Variants in BABAM2 observed in about 807,000 individuals in gnomAD.
BABAM2 encodes BRISC and BRCA1-A complex member 2.
A neutral mutation model predicts 54.7 loss-of-function variants in BABAM2; 31 were observed. That is an observed-to-expected ratio of 0.57 (90% CI 0.43 to 0.77). The LOEUF (loss-of-function observed/expected upper bound fraction) is 0.77, where lower values mean the gene tolerates loss of function less well. Ranked by LOEUF, BABAM2 falls within the 30% of genes least tolerant of loss-of-function variation. BABAM2 has a pLI of 0.00. For synonymous variants in BABAM2, 167 were observed against 162.9 expected, an observed-to-expected ratio of 1.03 and a Z score of -0.19; for missense variants, 364 against 455.8, an observed-to-expected ratio of 0.80 and a Z score of 1.83.
rs755229782 is a variant in BABAM2 at position 28,325,972 on chromosome 2, T to C, written c.1089-12478T>C. 3.9e-5 allele frequency among the ~76,000 whole-genome samples: 6 copies of C among 152,146 alleles called. No homozygotes were observed. The highest frequency in any genetic ancestry group is 5.9e-5 in the Non-Finnish European group (4 of 68,020). On this transcript the variant is annotated intron_variant, in intron 11 of 11. Coordinates refer to ENST00000379624, the MANE Select transcript of BABAM2 (RefSeq NM_199191.3). The surrounding 1 kb of genome is among the most constrained non-coding windows in gnomAD (Gnocchi z 4.3). The stretch of plus-strand genomic sequence containing the variant: ...TCCTAAGTGTTCCTGAGGCCCTCCT[T>C]TGGGAGTCCTGCACTTTGCTGTGGA...
chr2:28,216,258 G>C (rs1679907387), intron 7 of BABAM2, among the ~76,000 whole-genome samples: 1 of 152,094 alleles, frequency 6.6e-6, no homozygotes, highest in South Asian at 2.1e-4. Context: ...TTTTTAAGAA[G>C]TTTTCATGTG....
chr2:28,272,983 G>A (rs1369531893), intron 10 of BABAM2, among the ~76,000 whole-genome samples: 1 of 152,178 alleles, frequency 6.6e-6, no homozygotes, highest in Non-Finnish European at 1.5e-5. Flanking sequence ...TGGCCACACT[G>A]CTTGCAGCCA....
intron 2 of BABAM2, among the ~76,000 whole-genome samples, chr2:27,927,261 T>C (rs540210512): frequency 1.3e-5 from 2 of 152,164 alleles, no homozygotes; most frequent in African/African-American, 2.4e-5. Context: ...AATTTGTCAT[T>C]GAAGAAGGAG....
intron 3 of BABAM2, among the ~76,000 whole-genome samples, chr2:27,945,217 C>T (rs146618895): frequency 7.6e-4 from 115 of 151,966 alleles, no homozygotes; most frequent in African/African-American, 2.6e-3. Context: ...TTTGTAGAGA[C>T]GGGGTTTCAC....
intron 6 of BABAM2, among the ~76,000 whole-genome samples, chr2:28,062,575 C>CA (rs200543877): frequency 0.016 from 2,121 of 134,940 alleles, 22 homozygotes; most frequent in Non-Finnish European, 0.018. Context: ...AAAAAAAAAC[C>CA]AAAAAAAAAA....
At chr2:28,020,355 T>G (rs1675158507) in intron 4 of BABAM2, among the ~76,000 whole-genome samples, 1 of 152,230 alleles carries the variant, frequency 6.6e-6, no homozygotes, top group Admixed American at 6.5e-5. Flanking sequence ...TATATTTCCA[T>G]TATGAAAGTA....
chr2:28,102,316 G>A (rs925888266), intron 6 of BABAM2, among the ~76,000 whole-genome samples: 3 of 152,194 alleles, frequency 2.0e-5, no homozygotes, highest in Middle Eastern at 6.3e-3. Context: ...TGAATGATCT[G>A]ATAAAAATCC....
chr2:28,048,635 T>C (rs1478493238), intron 6 of BABAM2, among the ~76,000 whole-genome samples: 1 of 152,206 alleles, frequency 6.6e-6, no homozygotes, highest in Admixed American at 6.5e-5. Context: ...TACTTAGTAC[T>C]CTACAGATCA....
In BABAM2 at chr2:28,000,711, A is replaced by G. The variant is rs907537904; in HGVS notation, c.300+12624A>G. Among the ~76,000 whole-genome samples, 32 of 152,174 alleles carry G rather than the reference A, an allele frequency of 2.1e-4. 1 individual carries two copies. The highest frequency in any genetic ancestry group is 3.4e-3 in the Middle Eastern group (1 of 294). ...TTCTCTCCATTTATTAATTTATTCA[A>G]TCATTTATTTGTATCAGTATGGACT... On this transcript the variant is annotated intron_variant, in intron 4 of 11. Coordinates refer to ENST00000379624, the MANE Select transcript of BABAM2 (RefSeq NM_199191.3).
At chr2:28,093,835 A>G (rs1414945229) in intron 6 of BABAM2, among the ~76,000 whole-genome samples, 2 of 152,210 alleles carry the variant, frequency 1.3e-5, no homozygotes, top group Non-Finnish European at 2.9e-5. Flanking sequence ...AATTGTTATA[A>G]TAGTTAAGAC....
chr2:28,299,702 C>T (rs567682763), intron 11 of BABAM2, among the ~76,000 whole-genome samples: 29 of 152,238 alleles, frequency 1.9e-4, no homozygotes, highest in African/African-American at 6.0e-4. Flanking sequence ...GAAGATAAAG[C>T]CTTTATCATA....
At chr2:27,946,511 A>T (rs1322034155) in intron 3 of BABAM2, among the ~76,000 whole-genome samples, 1 of 152,176 alleles carries the variant, frequency 6.6e-6, no homozygotes, top group Non-Finnish European at 1.5e-5. Flanking sequence ...TTTATAAAAT[A>T]AGTTGGGAAG....
At position 28,282,997 on chromosome 2, in the gene BABAM2, CAAA is replaced by C. The variant is rs370484850; in HGVS notation, c.935-15322_935-15320del. On this transcript the variant is annotated intron_variant, in intron 10 of 11. Transcript: ENST00000379624. ...CAGGCAGCAGAGCGAGACTCCGTCC[CAAA>C]AAAAAAAAAAAAAAAAAAGGAATGA... 1.4e-4 allele frequency among the ~76,000 whole-genome samples: 10 copies of C among 71,934 alleles called. No individual in the cohort carries two copies. The Admixed American group carries it at 1.8e-3, about 13-fold the overall frequency. 47.2% of individuals were successfully genotyped at this position (71,934 alleles called of 152,430 possible). A position where few individuals can be genotyped will look rare whatever the true frequency, so the allele number is the denominator to read the frequency against.
intron 11 of BABAM2, among the ~76,000 whole-genome samples, chr2:28,300,944 A>G (rs1407852230): frequency 1.3e-5 from 2 of 152,236 alleles, no homozygotes; most frequent in African/African-American, 4.8e-5. Flanking sequence ...TTAAGTTTCC[A>G]TTCTTCAGCT....
chr2:28,066,702 AAGG>A (rs1473810916), intron 6 of BABAM2, among the ~76,000 whole-genome samples: 2 of 152,166 alleles, frequency 1.3e-5, no homozygotes, highest in Non-Finnish European at 2.9e-5. Context: ...GGCTTCTCCA[AAGG>A]CTGCTTGAGT....
chr2:28,026,843 A>T (rs7570518), intron 5 of BABAM2, among the ~76,000 whole-genome samples: 19 of 40,634 alleles, frequency 4.7e-4, no homozygotes, highest in South Asian at 1.4e-3. Context: ...AATATATATA[A>T]ATATATATTT....
intron 7 of BABAM2, among the ~76,000 whole-genome samples, chr2:28,152,205 A>G (rs1672120287): frequency 6.6e-6 from 1 of 152,166 alleles, no homozygotes; most frequent in Non-Finnish European, 1.5e-5. Context: ...TGCCTTAAAC[A>G]ATTGAGAATG....
At chr2:28,093,554 G>A (rs1234181474) in intron 6 of BABAM2, among the ~76,000 whole-genome samples, 1 of 152,162 alleles carries the variant, frequency 6.6e-6, no homozygotes, top group Non-Finnish European at 1.5e-5. Context: ...TTGGGACTGA[G>A]AGCCGGCTAC....
chr2:28,240,870 CAAA>C (rs56247120), intron 8 of BABAM2, among the ~76,000 whole-genome samples: 2 of 109,152 alleles, frequency 1.8e-5, no homozygotes, highest in Non-Finnish European at 3.9e-5. Context: ...GACTCTGTCT[CAAA>C]AAAAAAAAAA....
Sources: gnomAD v4.1 joint callset for allele counts (sites outside exome capture counted in the v4.1 genomes callset) on GRCh38, gnomAD v4.1.1 for gene constraint, Gnocchi (gnomAD v3.1) non-coding constraint, MANE v1.5 for transcripts, NCBI Gene and HGNC (gene_info 2026-07-23, HGNC 2026-07-21) for gene names.